MOB1B: variants seen among roughly 807,000 people sequenced by gnomAD.
MOB1B encodes MOB kinase activator 1B, also known as MOB1 Mps One Binder homolog B.
A neutral mutation model predicts 24.4 loss-of-function variants in MOB1B; 19 were observed. The observed-to-expected ratio is 0.78, with a 90% CI of 0.54 to 1.14. The LOEUF (loss-of-function observed/expected upper bound fraction) is 1.14, where lower values mean the gene tolerates loss of function less well. MOB1B is among the 50% of genes most tolerant of loss of function. The pLI is 0.00. For synonymous variants in MOB1B, 76 were observed against 82.1 expected, an observed-to-expected ratio of 0.93 and a Z score of 0.40; for missense variants, 243 against 259.6, an observed-to-expected ratio of 0.94 and a Z score of 0.44.
intron 1 of MOB1B, among the ~76,000 whole-genome samples, chr4:70,918,759 C>G (rs1273334881): frequency 1.3e-5 from 2 of 152,110 alleles, no homozygotes; most frequent in Admixed American, 6.6e-5. Context: ...GACATGAAGT[C>G]CTTGCCCATG....
At chr4:70,914,000 G>A (rs1736101674) in intron 1 of MOB1B, among the ~76,000 whole-genome samples, 1 of 152,014 alleles carries the variant, frequency 6.6e-6, no homozygotes, top group African/African-American at 2.4e-5. Flanking sequence ...TGATCACCAA[G>A]GTGATGGTAT....
intron 1 of MOB1B, among the ~76,000 whole-genome samples, chr4:70,906,113 C>T (rs1183785952): frequency 6.6e-6 from 1 of 151,584 alleles, no homozygotes; most frequent in Non-Finnish European, 1.5e-5. Flanking sequence ...CATAATGGCT[C>T]AGGCCTGTAA....
rs529789890 is a variant in MOB1B at position 70,927,562 on chromosome 4, A to G, written c.14+25012A>G. ...CTCAAAAAAAAAAAAATTGCCGTCAATACCACAGTTATAAATATGTGTAGT... is the reference window on the plus strand; with the variant it reads ...CTCAAAAAAAAAAAAATTGCCGTCAGTACCACAGTTATAAATATGTGTAGT... On this transcript the variant is annotated intron_variant, in intron 1 of 5. Coordinates refer to ENST00000309395, the MANE Select transcript of MOB1B (RefSeq NM_173468.4). Among the ~76,000 whole-genome samples the G allele has an allele frequency of 1.2e-4, 18 of 152,208 alleles. No individual in the cohort carries two copies. In the South Asian group the frequency reaches 2.3e-3, roughly 19 times the overall value.
chr4:70,961,417 A>G (rs143888408), intron 2 of MOB1B, among the ~76,000 whole-genome samples: 3 of 152,314 alleles, frequency 2.0e-5, no homozygotes, highest in Non-Finnish European at 4.4e-5. Flanking sequence ...TCAGAATGGC[A>G]CACAATTTAA....
rs926584432 is a variant in MOB1B, at chr4:70,977,181, G to A, written c.409+1895G>A. On this transcript the variant is annotated intron_variant, in intron 4 of 5. Coordinates refer to ENST00000309395, the MANE Select transcript of MOB1B (RefSeq NM_173468.4). ...GGGCTTTTCAGGTTTTCTTAATAAT[G>A]TACTTTATAAGCAAAGGAAATCTTT... Among the ~76,000 whole-genome samples, 5 of 152,156 alleles carry A rather than the reference G, an allele frequency of 3.3e-5. No individual in the cohort carries two copies. In the East Asian group the frequency reaches 5.8e-4, roughly 18 times the overall value.
At chr4:70,949,163 A>G (rs756700515) in intron 1 of MOB1B, among the ~76,000 whole-genome samples, 54 of 152,212 alleles carry the variant, frequency 3.5e-4, no homozygotes, top group Admixed American at 1.0e-3. Context: ...TAATCTTATA[A>G]GAATTCCTCG....
intron 3 of MOB1B, among the ~76,000 whole-genome samples, chr4:70,971,819 T>G (rs1021840753): frequency 1.3e-5 from 2 of 152,208 alleles, no homozygotes; most frequent in African/African-American, 4.8e-5. Context: ...TTGTCTCTGC[T>G]CCTGTATGCA....
chr4:70,941,352 A>AT (rs918461233), intron 1 of MOB1B, among the ~76,000 whole-genome samples: 2 of 151,622 alleles, frequency 1.3e-5, no homozygotes, highest in Non-Finnish European at 2.9e-5. Flanking sequence ...TTATTTATTT[A>AT]TTTTTTTGAG....
intron 4 of MOB1B, chr4:70,976,454 G>T (rs1170567654): frequency 2.0e-6 from 2 of 985,096 alleles, no homozygotes; most frequent in Non-Finnish European, 2.4e-6. Context: ...TGTATCATCG[G>T]CTGAGTGACT....
At chr4:70,957,247 G>C (rs190352415) in intron 1 of MOB1B, among the ~76,000 whole-genome samples, 1 of 132,526 alleles carries the variant, frequency 7.5e-6, no homozygotes, top group Non-Finnish European at 1.5e-5. Flanking sequence ...GTGACAGAGC[G>C]AGACTATGTC....
At chr4:70,902,604 C>G (rs1735557372) in intron 1 of MOB1B, 54 bp downstream of exon 1, 1 of 1,418,240 alleles carries the variant, frequency 7.1e-7, no homozygotes, top group Non-Finnish European at 9.3e-7. Flanking sequence ...CCTGGGCCCC[C>G]GCCCGCCGCC....
intron 1 of MOB1B, among the ~76,000 whole-genome samples, chr4:70,932,267 A>G (rs1175076637): frequency 7.2e-5 from 11 of 152,176 alleles, no homozygotes; most frequent in Admixed American, 7.2e-4. Flanking sequence ...CATGTAGATT[A>G]TATGATTTGC....
At chr4:70,971,054 T>C (rs1738733493) in intron 3 of MOB1B, among the ~76,000 whole-genome samples, 1 of 152,242 alleles carries the variant, frequency 6.6e-6, no homozygotes, top group African/African-American at 2.4e-5. Flanking sequence ...CGGGACTGTT[T>C]ACTTTGGAGA....
intron 1 of MOB1B, among the ~76,000 whole-genome samples, chr4:70,929,836 G>A (rs996366358): frequency 2.0e-5 from 3 of 151,686 alleles, no homozygotes; most frequent in African/African-American, 4.8e-5. Context: ...TAGTAGAGAC[G>A]GGGTTTCGCC....
In MOB1B at chr4:70,947,281, C is replaced by T. The variant is rs553064837; in HGVS notation, c.15-11593C>T. Among the ~76,000 whole-genome samples the T allele has an allele frequency of 8.4e-3, 1,280 of 152,176 alleles. 9 individuals carry two copies. The highest frequency in any genetic ancestry group is 0.013 in the Non-Finnish European group (860 of 67,986). ...CTTCTTATTGTTGATTTTTGTTTTTCTTTTTAGAATCAGGGTCTCACTCTG... is the reference window on the plus strand; with the variant it reads ...CTTCTTATTGTTGATTTTTGTTTTTTTTTTTAGAATCAGGGTCTCACTCTG... On this transcript the variant is annotated intron_variant, in intron 1 of 5. Coordinates refer to ENST00000309395, the MANE Select transcript of MOB1B (RefSeq NM_173468.4).
At chr4:70,956,163 G>C (rs575221249) in intron 1 of MOB1B, among the ~76,000 whole-genome samples, 23 of 152,252 alleles carry the variant, frequency 1.5e-4, no homozygotes, top group Middle Eastern at 3.4e-3. Context: ...TCTAATATTT[G>C]ACCTTTGGAT....
At position 70,975,189 on chromosome 4, in the gene MOB1B, G is replaced by A; in HGVS notation, c.312G>A (p.Lys104=). The change falls in exon 4 of 6, where the codon AAG becomes AAA. Residue 104 remains lysine, a synonymous_variant. Coordinates refer to ENST00000309395, the MANE Select transcript of MOB1B (RefSeq NM_173468.4). ...EYHWADGTNI[K]KPIKCSAPKY... ...ATTGGGCAGATGGAACGAACATAAA[G>A]AAACCTATTAAGTGCTCTGCACCAA... 6.2e-7 allele frequency: 1 copy of A among 1,610,122 alleles called. No homozygotes were observed.
At chr4:70,925,421 T>C (rs984539754) in intron 1 of MOB1B, among the ~76,000 whole-genome samples, 12 of 152,202 alleles carry the variant, frequency 7.9e-5, no homozygotes, top group African/African-American at 2.9e-4. Flanking sequence ...TAGTGATGTC[T>C]TTGCCTTTTT....
chr4:70,924,467 C>T (rs187241838), intron 1 of MOB1B, among the ~76,000 whole-genome samples: 2 of 152,232 alleles, frequency 1.3e-5, no homozygotes, highest in Admixed American at 1.3e-4. Flanking sequence ...AAATAGCAAG[C>T]CATCAAGAAC....
Sources: gnomAD v4.1 joint callset for allele counts (sites outside exome capture counted in the v4.1 genomes callset) on GRCh38, gnomAD v4.1.1 for gene constraint, MANE v1.5 for transcripts, NCBI Gene and HGNC (gene_info 2026-07-23, HGNC 2026-07-21) for gene names.